DEPDC5: variants seen among roughly 807,000 people sequenced by gnomAD.
The protein encoded by DEPDC5 is GATOR1 complex protein DEPDC5.
Under a neutral mutation model 217.3 loss-of-function variants are expected in DEPDC5, and 73 were observed. The ratio of observed to expected loss-of-function variants is 0.34; its 90% CI spans 0.28 to 0.41. The LOEUF (loss-of-function observed/expected upper bound fraction) is 0.41. Ranked by LOEUF, DEPDC5 falls within the 10% of genes least tolerant of loss-of-function variation. DEPDC5 has a pLI of 1.00. For synonymous variants in DEPDC5, 733 were observed against 756.7 expected (o/e 0.97, Z 0.51); for missense variants, 1,675 against 2,070.1 (o/e 0.81, Z 3.70).
chr22:31,854,752 A>G (rs1230279182), intron 31 of DEPDC5, among the ~76,000 whole-genome samples: 1 of 152,204 alleles, frequency 6.6e-6, no homozygotes, highest in Non-Finnish European at 1.5e-5. Context: ...TCTGCTTCTC[A>G]GGAAGTACAG....
intron 25 of DEPDC5, chr22:31,834,219 CA>C: frequency 1.9e-6 from 1 of 535,568 alleles, no homozygotes; most frequent in Admixed American, 2.7e-5. Context: ...GGAAAGGTAG[CA>C]GATTCCCTAT....
intron 7 of DEPDC5, among the ~76,000 whole-genome samples, chr22:31,775,902 A>G (rs1042670354): frequency 1.3e-5 from 2 of 151,656 alleles, no homozygotes; most frequent in African/African-American, 2.4e-5. Context: ...TTAGCTGGGC[A>G]TGGTGGCACG....
Position 31,857,431 on chromosome 22 carries a change from T to C in DEPDC5, c.3156-14T>C, listed in dbSNP as rs1241975946. The C allele has an allele frequency of 6.3e-7, 1 of 1,587,144 alleles. No individual in the cohort carries two copies. Among genetic ancestry groups the C allele is most frequent in the Admixed American group, 1.8e-5 (1 of 56,032 alleles). ...TCTGAGCAAGCTGCTGTCATGTGCT[T>C]TTCCTCCTTTCAGGTGCCTGGGAGA... On this transcript the variant is annotated splice_polypyrimidine_tract_variant and intron_variant, in intron 31 of 42. Transcript: ENST00000651528.
chr22:31,846,829 T>G lies in DEPDC5; in HGVS notation c.3022-5T>G, dbSNP rs1444184667. On this transcript the variant is annotated splice_region_variant and splice_polypyrimidine_tract_variant and intron_variant, in intron 30 of 42. Coordinates refer to ENST00000651528, the MANE Select transcript of DEPDC5 (RefSeq NM_001242896.3). ...GATGGCCTTGTCTCCTCTTCTCTGCTTTAGAAAGGGACCGCCATGAAAGGC... is the reference window on the plus strand; with the variant it reads ...GATGGCCTTGTCTCCTCTTCTCTGCGTTAGAAAGGGACCGCCATGAAAGGC... 6.2e-7 allele frequency: 1 copy of G among 1,614,064 alleles called. No individual in the cohort carries two copies. The highest frequency in any genetic ancestry group is 8.5e-7 in the Non-Finnish European group (1 of 1,180,032).
At chr22:31,755,616 C>T (rs933974029) in intron 2 of DEPDC5, 2 of 151,560 alleles carry the variant, frequency 1.3e-5, no homozygotes, top group Admixed American at 6.6e-5. Flanking sequence ...GTTGCCCAGG[C>T]TAGTCTGGAA....
chr22:31,904,644 G>A (rs1286345175), intron 41 of DEPDC5, among the ~76,000 whole-genome samples: 1 of 152,190 alleles, frequency 6.6e-6, no homozygotes, highest in East Asian at 1.9e-4. Flanking sequence ...TTGGGAGGCT[G>A]GAAGCACAAG....
chr22:31,762,501 C>T (rs1009664636), intron 4 of DEPDC5, among the ~76,000 whole-genome samples: 2 of 152,104 alleles, frequency 1.3e-5, no homozygotes, highest in South Asian at 2.1e-4. Flanking sequence ...CAGTGGCTGA[C>T]GCCTGTAATC....
intron 12 of DEPDC5, among the ~76,000 whole-genome samples, chr22:31,793,635 T>C (rs752151635): frequency 2.6e-5 from 4 of 152,130 alleles, no homozygotes; most frequent in Non-Finnish European, 4.4e-5. Context: ...GCAGTGGTCA[T>C]GTAAGCTGAC....
Position 31,836,979 on chromosome 22 carries a change from ACTGT to A in DEPDC5, c.2182_2185del (p.Ser728LeufsTer4), listed in dbSNP as rs774550427. 1.2e-6 allele frequency: 2 copies of A among 1,612,026 alleles called. No individual in the cohort carries two copies. Among genetic ancestry groups the A allele is most frequent in the Non-Finnish European group, 1.7e-6 (2 of 1,179,684 alleles). On this transcript the variant is annotated frameshift_variant, in exon 26 of 43. Transcript: ENST00000651528. LOFTEE classifies it high-confidence loss of function. The stretch of plus-strand genomic sequence containing the variant: ...CCCTGTTACGTGAGGCAGTTCTGAC[ACTGT>A]CTGCTCCCCCTGTAGTGCCAGGCTT...
At chr22:31,878,358 T>G (rs1279511042) in intron 37 of DEPDC5, among the ~76,000 whole-genome samples, 1 of 152,122 alleles carries the variant, frequency 6.6e-6, no homozygotes, top group African/African-American at 2.4e-5. Flanking sequence ...TACCTTCAAG[T>G]TGAAAACATA....
intron 21 of DEPDC5, among the ~76,000 whole-genome samples, chr22:31,818,055 G>T (rs2089328987): frequency 1.3e-5 from 2 of 152,014 alleles, no homozygotes; most frequent in Admixed American, 1.3e-4. Flanking sequence ...GCATCTGCTG[G>T]ACCCACTTTT....
intron 32 of DEPDC5, chr22:31,859,080 T>TTG (rs1491522239): frequency 1.1e-4 from 5 of 43,720 alleles, no homozygotes; most frequent in Non-Finnish European, 2.2e-4. Context: ...CATTCCTTTG[T>TTG]TTTTTTTTTT....
At chr22:31,833,276 T>TA (rs2090740412) in intron 24 of DEPDC5, among the ~76,000 whole-genome samples, 1 of 152,214 alleles carries the variant, frequency 6.6e-6, no homozygotes, top group Non-Finnish European at 1.5e-5. Context: ...TTAATTGTAT[T>TA]ACTCGACAGT....
chr22:31,761,203 A>T (rs2082359713), intron 4 of DEPDC5, among the ~76,000 whole-genome samples: 2 of 151,774 alleles, frequency 1.3e-5, no homozygotes, highest in South Asian at 4.2e-4. Flanking sequence ...GGATGGTCTC[A>T]ATCTCCTGAC....
chr22:31,770,118 C>G (rs2083203850), intron 7 of DEPDC5, among the ~76,000 whole-genome samples: 1 of 149,190 alleles, frequency 6.7e-6, no homozygotes, highest in African/African-American at 2.5e-5. Flanking sequence ...ACTGTAGTCC[C>G]AGCTACTCAG....
intron 31 of DEPDC5, among the ~76,000 whole-genome samples, chr22:31,848,504 A>G (rs1333917578): frequency 6.6e-6 from 1 of 152,224 alleles, no homozygotes; most frequent in Non-Finnish European, 1.5e-5. Flanking sequence ...TTCTGAAGCC[A>G]TGCCTGAGCT....
chr22:31,887,576 G>A (rs2093347329), intron 38 of DEPDC5, among the ~76,000 whole-genome samples: 1 of 152,104 alleles, frequency 6.6e-6, no homozygotes, highest in South Asian at 2.1e-4. Context: ...TCTGAAACTA[G>A]GCAGAGTTTT....
At chr22:31,770,394 T>C (rs967765001) in intron 7 of DEPDC5, among the ~76,000 whole-genome samples, 6 of 151,876 alleles carry the variant, frequency 4.0e-5, no homozygotes, top group African/African-American at 1.5e-4. Flanking sequence ...TGTTTTTTTT[T>C]TTCTGAGACA....
Position 31,893,760 on chromosome 22 carries a change from C to T in DEPDC5, c.4203+9C>T, listed in dbSNP as rs1224159106. 1 of 1,588,898 alleles carries T rather than the reference C, an allele frequency of 6.3e-7. No individual in the cohort carries two copies. The highest frequency in any genetic ancestry group is 1.4e-5 in the African/African-American group (1 of 73,722). ...CAGTACTCTTCGAGATGGTGAGAAC[C>T]TTCATGCATGTTGTCAGGCCTTTGG... On this transcript the variant is annotated intron_variant, in intron 39 of 42. Coordinates refer to ENST00000651528, the MANE Select transcript of DEPDC5 (RefSeq NM_001242896.3).
Sources: gnomAD v4.1 joint callset for allele counts (sites outside exome capture counted in the v4.1 genomes callset) on GRCh38, gnomAD v4.1.1 for gene constraint, MANE v1.5 for transcripts, NCBI Gene and HGNC (gene_info 2026-07-23, HGNC 2026-07-21) for gene names.